The following RUSC2 variants were observed in gnomAD, a reference collection of about 807,000 sequenced individuals.
RUSC2 encodes RUN and SH3 domain containing 2.
Under a neutral mutation model 122.2 loss-of-function variants are expected in RUSC2, and 34 were observed. The ratio of observed to expected loss-of-function variants is 0.28; its 90% CI spans 0.21 to 0.37. The LOEUF (loss-of-function observed/expected upper bound fraction) is 0.37. Ranked by LOEUF, RUSC2 falls within the 10% of genes least tolerant of loss-of-function variation. The probability of loss-of-function intolerance (pLI) is 1.00; values close to 1 mark genes in which losing one functional copy is unlikely to be tolerated. For synonymous variants in RUSC2, 784 were observed against 790.0 expected, an observed-to-expected ratio of 0.99 and a Z score of 0.13; for missense variants, 1,747 against 1,952.4, an observed-to-expected ratio of 0.89 and a Z score of 1.98.
In RUSC2 at chr9:35,559,966, A is replaced by G; in HGVS notation, c.3389-63A>G. 2.1e-6 allele frequency: 3 copies of G among 1,406,176 alleles called. 1 individual carries two copies. In the South Asian group the frequency reaches 4.1e-5, roughly 19 times the overall value. The allele number at this position is 1,406,176 out of a possible 1,614,324, so 87.1% of individuals were successfully genotyped here. A position where few individuals can be genotyped will look rare whatever the true frequency, so the allele number is the denominator to read the frequency against. ...GCAGCTCTGCCCAGACTGTCTTTCA[A>G]AGTCCCACTTGGGCCAGGCTCTGGT... On this transcript the variant is annotated intron_variant, in intron 9 of 11. Coordinates refer to ENST00000361226, the MANE Select transcript of RUSC2 (RefSeq NM_014806.5).
At chr9:35,494,133 T>TC (rs1820624123) in intron 1 of RUSC2, among the ~76,000 whole-genome samples, 1 of 151,876 alleles carries the variant, frequency 6.6e-6, no homozygotes, top group Non-Finnish European at 1.5e-5. Context: ...TTTTTCCACA[T>TC]CCTTGGCAAC....
intron 2 of RUSC2, among the ~76,000 whole-genome samples, chr9:35,550,412 G>A (rs193282187): frequency 3.2e-4 from 48 of 151,942 alleles, no homozygotes; most frequent in African/African-American, 1.1e-3. Context: ...GATCACCTGA[G>A]TTCGGGAGTT....
At chr9:35,494,796 C>A (rs1486428041) in intron 1 of RUSC2, among the ~76,000 whole-genome samples, 2 of 149,952 alleles carry the variant, frequency 1.3e-5, no homozygotes, top group African/African-American at 2.5e-5. Context: ...AATTTGAAAT[C>A]TAATTTATCT....
intron 1 of RUSC2, among the ~76,000 whole-genome samples, chr9:35,516,944 A>G (rs898453134): frequency 1.3e-5 from 2 of 152,256 alleles, no homozygotes; most frequent in Non-Finnish European, 2.9e-5. Context: ...ATTTGAGGCA[A>G]TGGATATGTT....
At position 35,546,512 on chromosome 9, in the gene RUSC2, A is replaced by G. The variant is rs376289043; in HGVS notation, c.-10A>G. 5 of 1,407,986 alleles carry G rather than the reference A, an allele frequency of 3.6e-6. No homozygotes were observed. Among genetic ancestry groups the G allele is most frequent in the Non-Finnish European group, 4.6e-6 (5 of 1,076,414 alleles). The allele number at this position is 1,407,986 out of a possible 1,614,324, so 87.2% of individuals were successfully genotyped here. A position where few individuals can be genotyped will look rare whatever the true frequency, so the allele number is the denominator to read the frequency against. On this transcript the variant is annotated 5_prime_UTR_variant, in exon 2 of 12. Coordinates refer to ENST00000361226, the MANE Select transcript of RUSC2 (RefSeq NM_014806.5). This position sits in a 1 kb window ranked among gnomAD's most constrained non-coding sequence, Gnocchi z 4.3. ...TGGTGCTGTTGAAGCCCTTATTCGA[A>G]CTTTCCAGAATGGATAGTCCCCCAA...
intron 1 of RUSC2, among the ~76,000 whole-genome samples, chr9:35,524,928 A>G (rs565803266): frequency 7.1e-4 from 108 of 151,286 alleles, no homozygotes; most frequent in Middle Eastern, 3.4e-3. Flanking sequence ...CCAAGATCGC[A>G]CCACTGCACT....
At chr9:35,553,763 A>G (rs1821948848) in intron 2 of RUSC2, among the ~76,000 whole-genome samples, 1 of 152,212 alleles carries the variant, frequency 6.6e-6, no homozygotes, top group Non-Finnish European at 1.5e-5. Context: ...GACTGGGTAT[A>G]GCAGGAGGGT....
intron 1 of RUSC2, among the ~76,000 whole-genome samples, chr9:35,531,145 C>T (rs902766595): frequency 1.3e-5 from 2 of 152,054 alleles, no homozygotes; most frequent in South Asian, 2.1e-4. Context: ...CCTGTAGTCC[C>T]AGCTACTCGG....
intron 1 of RUSC2, among the ~76,000 whole-genome samples, chr9:35,506,585 G>C (rs536916924): frequency 2.2e-4 from 34 of 152,296 alleles, no homozygotes; most frequent in Middle Eastern, 3.4e-3. Flanking sequence ...ACATTTCTTA[G>C]GTTGCTTTGC....
chr9:35,492,675 AAT>A (rs113791146), intron 1 of RUSC2, among the ~76,000 whole-genome samples: 72,470 of 150,816 alleles, frequency 0.48, 17,477 homozygotes, highest in African/African-American at 0.53. Context: ...TTATGGTGGT[AAT>A]ATATATATAT....
intron 2 of RUSC2, among the ~76,000 whole-genome samples, chr9:35,550,675 A>G (rs973189519): frequency 3.9e-5 from 6 of 152,066 alleles, no homozygotes; most frequent in Admixed American, 2.0e-4. Flanking sequence ...TGGCTGAGAG[A>G]GGATCCAGGG....
At chr9:35,511,182 C>G (rs937561440) in intron 1 of RUSC2, among the ~76,000 whole-genome samples, 1 of 152,154 alleles carries the variant, frequency 6.6e-6, no homozygotes, top group African/African-American at 2.4e-5. Context: ...TAGTGCTGGA[C>G]TTTTGAAACA....
chr9:35,491,111 A>G (rs1366486149), intron 1 of RUSC2, among the ~76,000 whole-genome samples: 2 of 149,000 alleles, frequency 1.3e-5, no homozygotes, highest in Admixed American at 1.3e-4. Context: ...AAAAAAAAAA[A>G]GGCGGAATTT....
At position 35,558,717 on chromosome 9, in the gene RUSC2, ACTGCCTCCCCACTGTGC is replaced by A. The variant is rs1343462713; in HGVS notation, c.3341+152_3341+168del. The A allele has an allele frequency of 1.5e-6, 1 of 665,238 alleles. No individual in the cohort carries two copies. The highest frequency in any genetic ancestry group is 2.4e-5 in the Admixed American group (1 of 41,166). The allele number at this position is 665,238 out of a possible 1,614,324, so 41.2% of individuals were successfully genotyped here. The stretch of plus-strand genomic sequence containing the variant: ...GCCCGCTATGGCCTCTCAGTAGGTC[ACTGCCTCCCCACTGTGC>A]CCATGACTCTGTCACTGGTCACCAA... On this transcript the variant is annotated intron_variant, in intron 8 of 11. Coordinates refer to ENST00000361226, the MANE Select transcript of RUSC2 (RefSeq NM_014806.5). The surrounding 1 kb of genome is among the most constrained non-coding windows in gnomAD (Gnocchi z 4.3).
At chr9:35,524,945 T>TGG (rs1821295887) in intron 1 of RUSC2, among the ~76,000 whole-genome samples, 1 of 148,178 alleles carries the variant, frequency 6.7e-6, no homozygotes, top group South Asian at 2.2e-4. Context: ...CACTCCAGCC[T>TGG]GGGGGACAGA....
intron 1 of RUSC2, among the ~76,000 whole-genome samples, chr9:35,492,675 A>T (rs895896141): frequency 6.6e-6 from 1 of 150,932 alleles, no homozygotes; most frequent in Admixed American, 6.6e-5. Context: ...TTATGGTGGT[A>T]ATATATATAT....
At chr9:35,539,727 G>T (rs1821605965) in intron 1 of RUSC2, among the ~76,000 whole-genome samples, 1 of 152,162 alleles carries the variant, frequency 6.6e-6, no homozygotes, top group African/African-American at 2.4e-5. Flanking sequence ...GACAGTCATT[G>T]TAATGCCTAG....
At chr9:35,516,977 C>T (rs2132512069) in intron 1 of RUSC2, among the ~76,000 whole-genome samples, 1 of 152,084 alleles carries the variant, frequency 6.6e-6, no homozygotes, top group African/African-American at 2.4e-5. Context: ...TTAATTATTC[C>T]ACATGATATT....
In RUSC2 at chr9:35,546,690, C is replaced by G; in HGVS notation, c.169C>G (p.Gln57Glu). Reference sequence around the variant, plus strand: ...TGAGCTGGGCATCACCCAGCCCGATCAAGACCTAGGACAAGCTGACTCCCT... The same window carrying G: ...TGAGCTGGGCATCACCCAGCCCGATGAAGACCTAGGACAAGCTGACTCCCT... ...PPELGITQPD[Q>E]DLGQADSLLF... The change falls in exon 2 of 12, where the codon CAA (glutamine) becomes GAA (glutamate). Residue 57 changes from glutamine to glutamate, a missense_variant. Transcript: ENST00000361226. The surrounding 1 kb of genome is among the most constrained non-coding windows in gnomAD (Gnocchi z 4.3). 1 of 1,561,092 alleles carries G rather than the reference C, an allele frequency of 6.4e-7. No individual in the cohort carries two copies. The highest frequency in any genetic ancestry group is 1.2e-5 in the South Asian group (1 of 80,884).
Sources: gnomAD v4.1 joint callset for allele counts (sites outside exome capture counted in the v4.1 genomes callset) on GRCh38, gnomAD v4.1.1 for gene constraint, Gnocchi (gnomAD v3.1) non-coding constraint, MANE v1.5 for transcripts, NCBI Gene and HGNC (gene_info 2026-07-23, HGNC 2026-07-21) for gene names.